The following FIRRM variants were observed in gnomAD, a reference collection of about 807,000 sequenced individuals.
The protein encoded by FIRRM is FIGNL1-interacting regulator of recombination and mitosis.
chr1:169,803,443 A>C, the FIRRM span: 4 of 923,928 alleles, frequency 4.3e-6, no homozygotes, highest in Admixed American at 3.5e-5. Context: ...AATAAAGAAC[A>C]TGTAAGTAAA....
the FIRRM span, among the ~76,000 whole-genome samples, chr1:169,839,303 G>A: frequency 1.3e-5 from 2 of 152,092 alleles, no homozygotes; most frequent in Admixed American, 6.5e-5. Context: ...GAGATTGCTG[G>A]GTAGAATGGT....
At chr1:169,830,599 A>T in the FIRRM span, 2 of 1,194,426 alleles carry the variant, frequency 1.7e-6, no homozygotes, top group Non-Finnish European at 1.2e-6. Flanking sequence ...GCAGTTTTTA[A>T]TGTCCTCATC....
chr1:169,851,833 A>G, the FIRRM span: 1 of 1,613,984 alleles, frequency 6.2e-7, no homozygotes, highest in Non-Finnish European at 8.5e-7. Context: ...TTTGTAGATG[A>G]AACTGAAGCT....
the FIRRM span, among the ~76,000 whole-genome samples, chr1:169,811,278 AT>A: frequency 1.5e-4 from 23 of 152,208 alleles, no homozygotes; most frequent in Non-Finnish European, 2.6e-4. Flanking sequence ...AGAAATTTGT[AT>A]TATTCAGAAA....
the FIRRM span, among the ~76,000 whole-genome samples, chr1:169,832,086 G>A: frequency 6.6e-6 from 1 of 152,084 alleles, no homozygotes; most frequent in Admixed American, 6.6e-5. Context: ...TGAAGCTTCT[G>A]TCTTGTAGAG....
chr1:169,815,603 T>C, the FIRRM span, among the ~76,000 whole-genome samples: 1 of 152,262 alleles, frequency 6.6e-6, no homozygotes, highest in South Asian at 2.1e-4. Context: ...CAACCAGAAG[T>C]CACTTTTGTC....
At chr1:169,806,131 C>A in the FIRRM span, 2 of 1,115,032 alleles carry the variant, frequency 1.8e-6, no homozygotes, top group Admixed American at 2.2e-5. Context: ...AAATGTTTTC[C>A]ATATTCCCCA....
the FIRRM span, among the ~76,000 whole-genome samples, chr1:169,819,325 A>C: frequency 6.6e-6 from 1 of 152,208 alleles, no homozygotes; most frequent in East Asian, 1.9e-4. Flanking sequence ...CTAAGTGGCC[A>C]AGAGCATGCT....
At chr1:169,829,887 T>C in the FIRRM span, among the ~76,000 whole-genome samples, 1 of 152,188 alleles carries the variant, frequency 6.6e-6, no homozygotes, top group African/African-American at 2.4e-5. Context: ...TATTACACAA[T>C]ATCTAGCACC....
At chr1:169,829,733 T>C in the FIRRM span, among the ~76,000 whole-genome samples, 2 of 152,094 alleles carry the variant, frequency 1.3e-5, no homozygotes, top group African/African-American at 4.8e-5. Context: ...GAAAAGTAAA[T>C]AGCTTGTAGT....
At chr1:169,833,506 T>C in the FIRRM span, among the ~76,000 whole-genome samples, 2 of 152,102 alleles carry the variant, frequency 1.3e-5, no homozygotes, top group East Asian at 1.9e-4. Flanking sequence ...GCAGAAGATA[T>C]GTATAACTAT....
At chr1:169,791,465 C>A in the FIRRM span, among the ~76,000 whole-genome samples, 2 of 152,086 alleles carry the variant, frequency 1.3e-5, no homozygotes, top group African/African-American at 4.8e-5. Context: ...AGAGTTGAGA[C>A]CACTGGGTGA....
chr1:169,837,494 C>T, the FIRRM span, among the ~76,000 whole-genome samples: 1 of 152,174 alleles, frequency 6.6e-6, no homozygotes, highest in African/African-American at 2.4e-5. Context: ...GTACCTTTTA[C>T]ATAGAATGTT....
At chr1:169,834,739 A>G in the FIRRM span, among the ~76,000 whole-genome samples, 1 of 152,184 alleles carries the variant, frequency 6.6e-6, no homozygotes, top group African/African-American at 2.4e-5. Flanking sequence ...CCAAAGTTCA[A>G]GTCCAGCCGG....
At chr1:169,849,730 A>T in the FIRRM span, 9 of 695,712 alleles carry the variant, frequency 1.3e-5, no homozygotes, top group Non-Finnish European at 2.2e-5. Context: ...TCTGAAGGGT[A>T]CATTACTCGT....
At chr1:169,813,102 A>G in the FIRRM span, among the ~76,000 whole-genome samples, 5,676 of 152,302 alleles carry the variant, frequency 0.037, 178 homozygotes, top group South Asian at 0.11. Context: ...CAAATTAAAG[A>G]CAGTAATTTA....
the FIRRM span, chr1:169,784,758 T>G: frequency 6.6e-6 from 1 of 152,236 alleles, no homozygotes; most frequent in Non-Finnish European, 1.5e-5. Context: ...GGGTCTTTTC[T>G]GTTCATCACT....
At chr1:169,793,666 T>A in the FIRRM span, 3 of 1,601,978 alleles carry the variant, frequency 1.9e-6, no homozygotes, top group East Asian at 4.5e-5. Context: ...CCAGATGGTC[T>A]TCTATAGTGA....
chr1:169,834,756 T>C, the FIRRM span, among the ~76,000 whole-genome samples: 1 of 152,112 alleles, frequency 6.6e-6, no homozygotes, highest in Non-Finnish European at 1.5e-5. Flanking sequence ...CCGGACAACA[T>C]AGCAAGACTG....
Sources: gnomAD v4.1 joint callset for allele counts (sites outside exome capture counted in the v4.1 genomes callset) on GRCh38, gnomAD v4.1.1 for gene constraint, MANE v1.5 for transcripts, NCBI Gene and HGNC (gene_info 2026-07-23, HGNC 2026-07-21) for gene names.